ETS2: variants seen among roughly 807,000 people sequenced by gnomAD.
ETS2 encodes the protein ETS proto-oncogene 2, transcription factor, also known as protein C-ets-2.
ETS2 carries 19 observed loss-of-function variants against 54.9 expected under a neutral mutation model. The observed-to-expected ratio is 0.35, with a 90% confidence interval of 0.24 to 0.51. The LOEUF (loss-of-function observed/expected upper bound fraction) is 0.51. Ranked by LOEUF, ETS2 falls within the 20% of genes least tolerant of loss-of-function variation. The pLI is 0.97. For synonymous variants in ETS2, 219 were observed against 229.3 expected, an observed-to-expected ratio of 0.95 and a Z score of 0.41; for missense variants, 417 against 593.0, an observed-to-expected ratio of 0.70 and a Z score of 3.08.
chr21:38,814,486 G>A lies in ETS2; in HGVS notation c.304+94G>A. The stretch of plus-strand genomic sequence containing the variant: ...ACTTGTTTATTAAGCTTTTGCTTGG[G>A]GTATTCTGCAAAGAGTAGCATGGAT... On this transcript the variant is annotated intron_variant, in intron 4 of 9. Coordinates refer to ENST00000360938, the MANE Select transcript of ETS2 (RefSeq NM_005239.6). This position sits in a 1 kb window ranked among gnomAD's most constrained non-coding sequence, Gnocchi z 4.2. 1 of 1,490,738 alleles carries A rather than the reference G, an allele frequency of 6.7e-7. No individual in the cohort carries two copies. 92.3% of individuals were successfully genotyped at this position (1,490,738 alleles called of 1,614,324 possible). A position where few individuals can be genotyped will look rare whatever the true frequency, so the allele number is the denominator to read the frequency against.
At chr21:38,808,196 T>C (rs576698566) in intron 1 of ETS2, among the ~76,000 whole-genome samples, 1 of 152,310 alleles carries the variant, frequency 6.6e-6, no homozygotes, top group Admixed American at 6.5e-5. Context: ...AGATTGTCCA[T>C]GTTGCTGGGC....
chr21:38,821,710 G>T lies in ETS2; in HGVS notation c.1194+6G>T, dbSNP rs549558675. On this transcript the variant is annotated splice_donor_region_variant and intron_variant, in intron 9 of 9. Transcript: ENST00000360938. The surrounding 1 kb of genome is among the most constrained non-coding windows in gnomAD (Gnocchi z 4.2). ...AGCTCGCCGACCCCGATGAGGTATGGCCAGAGCCCTGGGAAATCTCTGGGC... is the reference window on the plus strand; with the variant it reads ...AGCTCGCCGACCCCGATGAGGTATGTCCAGAGCCCTGGGAAATCTCTGGGC... 2 of 1,590,592 alleles carry T rather than the reference G, an allele frequency of 1.3e-6. No homozygotes were observed.
At position 38,818,518 on chromosome 21, in the gene ETS2, G is replaced by A; in HGVS notation, c.683G>A (p.Ser228Asn). The change falls in exon 7 of 10, where the codon AGC becomes AAC. Residue 228 changes from serine (S) to asparagine (N), a missense_variant. Ser to Asn is a conservative substitution (Grantham distance 46). This residue lies in a region of ETS2 where 326 missense variants were observed against 426.1 expected (regional missense o/e 0.76). Coordinates refer to ENST00000360938, the MANE Select transcript of ETS2 (RefSeq NM_005239.6). ...AGCATGTGTCCGGCCTCCACACCCA[G>A]CGTACTCAGCTCTGAGCAGGAGTTT... ...LDSMCPASTP[S>N]VLSSEQEFQM... The A allele has an allele frequency of 6.2e-7, 1 of 1,614,202 alleles. No individual in the cohort carries two copies. The highest frequency in any genetic ancestry group is 1.3e-5 in the African/African-American group (1 of 75,048).
chr21:38,805,219 G>A (rs577314779), upstream of ETS2: 6 of 755,624 alleles, frequency 7.9e-6, no homozygotes, highest in Non-Finnish European at 1.1e-5. The surrounding 1 kb of genome is among the most constrained non-coding windows in gnomAD (Gnocchi z 5.2). Flanking sequence ...GGGGCTTCCC[G>A]GGAGCAGCGC....
At chr21:38,811,897 C>G (rs1837152544) in intron 2 of ETS2, among the ~76,000 whole-genome samples, 1 of 152,252 alleles carries the variant, frequency 6.6e-6, no homozygotes, top group African/African-American at 2.4e-5. Context: ...GTTGCCCAGG[C>G]GGGAGTACAG....
At chr21:38,817,220 T>A in intron 6 of ETS2, 129 bp downstream of exon 6, 1 of 614,582 alleles carries the variant, frequency 1.6e-6, no homozygotes, top group Non-Finnish European at 2.9e-6. Context: ...CACACGTGGG[T>A]GTTGAGCTAT....
intron 9 of ETS2, 123 bp from the exon 10 acceptor site, chr21:38,822,551 G>T (rs536819337): frequency 1.8e-5 from 15 of 812,852 alleles, no homozygotes; most frequent in Non-Finnish European, 2.5e-5. Context: ...TGCGGACCTT[G>T]TGTAGGTGTC....
chr21:38,813,742 G>C (rs367961435), intron 3 of ETS2, among the ~76,000 whole-genome samples: 6 of 152,322 alleles, frequency 3.9e-5, no homozygotes, highest in East Asian at 1.9e-4. Context: ...ATACACTGGC[G>C]TAAGCATAAC....
At position 38,806,045 on chromosome 21, in the gene ETS2, C is replaced by A; in HGVS notation, c.-76C>A. On this transcript the variant is annotated 5_prime_UTR_variant, in exon 1 of 10. Transcript: ENST00000360938. The surrounding 1 kb of genome is among the most constrained non-coding windows in gnomAD (Gnocchi z 4.3). The stretch of plus-strand genomic sequence containing the variant: ...TCTGGCCGGCGCCCTCGCCCTCGCC[C>A]GGCGCGCACCGAGCAGCCGCGGGCG... The A allele has an allele frequency of 8.3e-7, 1 of 1,208,908 alleles. No individual in the cohort carries two copies. The highest frequency in any genetic ancestry group is 1.0e-6 in the Non-Finnish European group (1 of 953,930). 74.9% of individuals were successfully genotyped at this position (1,208,908 alleles called of 1,614,324 possible).
rs1418382894 is a variant in ETS2 at position 38,814,413 on chromosome 21, C to A, written c.304+21C>A. ...AAAGAGTAAGTACTGCTTTCCTGAG[C>A]CTGCACTGGGTGAGAAGAACCAACT... On this transcript the variant is annotated intron_variant, in intron 4 of 9. Transcript: ENST00000360938. This position sits in a 1 kb window ranked among gnomAD's most constrained non-coding sequence, Gnocchi z 4.2. The A allele has an allele frequency of 6.2e-7, 1 of 1,613,024 alleles. No individual in the cohort carries two copies.
intron 6 of ETS2, among the ~76,000 whole-genome samples, chr21:38,817,484 G>T (rs566732796): frequency 6.6e-6 from 1 of 152,184 alleles, no homozygotes; most frequent in Non-Finnish European, 1.5e-5. Context: ...TGGCTCACAC[G>T]ATCTTCCATA....
At chr21:38,805,849 C>G, upstream of ETS2, 1 of 1,134,780 alleles carries the variant, frequency 8.8e-7, no homozygotes, top group Non-Finnish European at 1.1e-6. The surrounding 1 kb of genome is among the most constrained non-coding windows in gnomAD (Gnocchi z 5.2). Context: ...CCCCTCCCCT[C>G]CACTCGGCCG....
Position 38,814,935 on chromosome 21 carries a change from C to T in ETS2, c.459C>T (p.Asp153=). 3 of 1,614,150 alleles carry T rather than the reference C, an allele frequency of 1.9e-6. No homozygotes were observed. Among genetic ancestry groups the T allele is most frequent in the Non-Finnish European group, 2.5e-6 (3 of 1,180,018 alleles). Residue 153 remains aspartate, a synonymous_variant, in exon 5 of 10, where the codon GAC becomes GAT. Coordinates refer to ENST00000360938, the MANE Select transcript of ETS2 (RefSeq NM_005239.6). This position sits in a 1 kb window ranked among gnomAD's most constrained non-coding sequence, Gnocchi z 4.2. Reference sequence around the variant, plus strand: ...AACGCTTTCTGGAGCTGGCACCTGACTTTGTGGGTGACATTCTCTGGGAAC... The same window carrying T: ...AACGCTTTCTGGAGCTGGCACCTGATTTTGTGGGTGACATTCTCTGGGAAC... The part of the protein sequence containing the change: ...GKERFLELAP[D]FVGDILWEHL...
rs1974098613 is a variant in ETS2 at position 38,821,080 on chromosome 21, C to T, written c.1076-506C>T. 6.6e-6 allele frequency among the ~76,000 whole-genome samples: 1 copy of T among 152,178 alleles called. No individual in the cohort carries two copies. The highest frequency in any genetic ancestry group is 2.4e-5 in the African/African-American group (1 of 41,448). On this transcript the variant is annotated intron_variant, in intron 8 of 9. Transcript: ENST00000360938. The surrounding 1 kb of genome is among the most constrained non-coding windows in gnomAD (Gnocchi z 4.2). ...GTGGCTATTGAGTAAACCGGGCTCA[C>T]ATTAAGCAATTTACACATGGTCATT...
chr21:38,808,560 C>T (rs187047224), intron 1 of ETS2, among the ~76,000 whole-genome samples: 4 of 148,228 alleles, frequency 2.7e-5, no homozygotes, highest in African/African-American at 1.0e-4. Flanking sequence ...GCCTCACCTG[C>T]TGCCTTTTAG....
intron 2 of ETS2, 96 bp from the exon 3 acceptor site, chr21:38,812,907 G>A (rs1321022219): frequency 6.3e-6 from 5 of 793,166 alleles, no homozygotes; most frequent in South Asian, 1.5e-5. Flanking sequence ...TTTAATCAGG[G>A]ACTATTGGTA....
chr21:38,818,671 A>T (rs1275054028), intron 7 of ETS2, 25 bp downstream of exon 7: 4 of 1,613,218 alleles, frequency 2.5e-6, no homozygotes, highest in Non-Finnish European at 1.7e-6. Context: ...ATCTTTCAAC[A>T]AGGCTGTTGC....
chr21:38,809,227 T>C (rs1006668880), intron 1 of ETS2, among the ~76,000 whole-genome samples: 5 of 152,206 alleles, frequency 3.3e-5, no homozygotes, highest in African/African-American at 1.2e-4. Context: ...AGTGTGTATG[T>C]GTGGATTTGT....
rs1481782880 is a variant in ETS2 at position 38,806,137 on chromosome 21, C to T, written c.-1+17C>T. 17 of 1,011,882 alleles carry T rather than the reference C, an allele frequency of 1.7e-5. No individual in the cohort carries two copies. Among genetic ancestry groups the T allele is most frequent in the Non-Finnish European group, 2.0e-5 (17 of 846,572 alleles). 62.7% of individuals were successfully genotyped at this position (1,011,882 alleles called of 1,614,324 possible). A position where few individuals can be genotyped will look rare whatever the true frequency, so the allele number is the denominator to read the frequency against. The stretch of plus-strand genomic sequence containing the variant: ...AGCGGCAGGGTAAGAGCTGGGCCCG[C>T]AGAGAGCGCCCGGCGCGCGGCTCCA... On this transcript the variant is annotated intron_variant, in intron 1 of 9. Transcript: ENST00000360938. The surrounding 1 kb of genome is among the most constrained non-coding windows in gnomAD (Gnocchi z 4.3).
Sources: gnomAD v4.1 joint callset for allele counts (sites outside exome capture counted in the v4.1 genomes callset) on GRCh38, gnomAD v4.1.1 for gene constraint, gnomAD v4.1.1 regional missense constraint, Gnocchi (gnomAD v3.1) non-coding constraint, MANE v1.5 for transcripts, NCBI Gene and HGNC (gene_info 2026-07-23, HGNC 2026-07-21) for gene names.